CWH43: variants seen among roughly 807,000 people sequenced by gnomAD.
The protein encoded by CWH43 is cell wall biogenesis 43 C-terminal homolog.
A neutral mutation model predicts 85.7 loss-of-function variants in CWH43; 91 were observed. The observed-to-expected ratio is 1.06, with a 90% CI of 0.90 to 1.26. CWH43 has a LOEUF of 1.26. Among genes scored for constraint, CWH43 ranks in the 50% most tolerant of loss-of-function variants. The pLI is 0.00. For synonymous variants in CWH43, 323 were observed against 293.6 expected (o/e 1.10, Z -1.02); for missense variants, 869 against 839.2 (o/e 1.04, Z -0.44).
At position 49,044,723 on chromosome 4, in the gene CWH43, G is replaced by A. The variant is rs377617174; in HGVS notation, c.1804-63G>A. 65 of 1,240,636 alleles carry A rather than the reference G, an allele frequency of 5.2e-5. No homozygotes were observed. In the African/African-American group the frequency reaches 8.4e-4, roughly 16 times the overall value. 76.9% of individuals were successfully genotyped at this position (1,240,636 alleles called of 1,614,324 possible). On this transcript the variant is annotated intron_variant, in intron 13 of 15. Coordinates refer to ENST00000226432, the MANE Select transcript of CWH43 (RefSeq NM_025087.3). ...TTATCATGTAGCTCACACATTTTTT[G>A]GCAATGTGGAATAGAGCTTTGCTTT...
intron 8 of CWH43, among the ~76,000 whole-genome samples, chr4:49,011,330 G>A (rs1326381494): frequency 6.6e-6 from 1 of 151,910 alleles, no homozygotes; most frequent in African/African-American, 2.4e-5. Flanking sequence ...CATTTGCTTG[G>A]TAGATCTTCC....
chr4:48,998,572 A>T (rs1384637614), intron 6 of CWH43, 24 bp downstream of exon 6: 4 of 1,521,898 alleles, frequency 2.6e-6, no homozygotes, highest in Non-Finnish European at 3.6e-6. Flanking sequence ...ACCTGCAGAT[A>T]GAACACGACT....
chr4:49,035,715 C>A (rs1359384737), intron 12 of CWH43, among the ~76,000 whole-genome samples: 1 of 152,170 alleles, frequency 6.6e-6, no homozygotes, highest in Non-Finnish European at 1.5e-5. Flanking sequence ...TATACATATA[C>A]TTTTTACTTT....
intron 15 of CWH43, among the ~76,000 whole-genome samples, chr4:49,058,710 C>A (rs1785045757): frequency 6.6e-6 from 1 of 152,188 alleles, no homozygotes; most frequent in Admixed American, 6.5e-5. Context: ...CTTTCCTTGT[C>A]CCTGAAGGAC....
At chr4:49,015,916 C>T (rs999789554) in intron 8 of CWH43, among the ~76,000 whole-genome samples, 2 of 151,970 alleles carry the variant, frequency 1.3e-5, no homozygotes, top group South Asian at 4.2e-4. Context: ...CTTTTGAATA[C>T]CCTCTTTTAT....
intron 8 of CWH43, among the ~76,000 whole-genome samples, chr4:49,014,075 T>A (rs1243189291): frequency 1.3e-5 from 2 of 152,200 alleles, no homozygotes; most frequent in Non-Finnish European, 2.9e-5. Context: ...AGAAGCTGTA[T>A]AAGTTCTCTA....
chr4:48,993,826 C>T (rs1451878609), intron 4 of CWH43, among the ~76,000 whole-genome samples: 1 of 152,142 alleles, frequency 6.6e-6, no homozygotes, highest in Non-Finnish European at 1.5e-5. Context: ...ACGATCTCAG[C>T]GCACTGCAAC....
intron 13 of CWH43, among the ~76,000 whole-genome samples, chr4:49,042,661 A>G (rs1246827335): frequency 6.6e-6 from 1 of 152,188 alleles, no homozygotes; most frequent in Non-Finnish European, 1.5e-5. Context: ...TGCTAGAGTT[A>G]GAGAAGTGCA....
At chr4:48,999,081 C>T (rs1782909349) in intron 6 of CWH43, among the ~76,000 whole-genome samples, 1 of 152,142 alleles carries the variant, frequency 6.6e-6, no homozygotes, top group African/African-American at 2.4e-5. Context: ...CTCTCTCCTC[C>T]TACCTGCCTC....
At chr4:49,017,803 C>G (rs879224386) in intron 9 of CWH43, among the ~76,000 whole-genome samples, 1 of 151,604 alleles carries the variant, frequency 6.6e-6, no homozygotes, top group African/African-American at 2.4e-5. Context: ...TGTGGTGGAG[C>G]AGGAACAAGA....
In CWH43 at chr4:48,994,579, A is replaced by G. The variant is rs1447268517; in HGVS notation, c.512-40A>G. On this transcript the variant is annotated intron_variant, in intron 4 of 15. Coordinates refer to ENST00000226432, the MANE Select transcript of CWH43 (RefSeq NM_025087.3). ...CTAAATATAGAGCGCAAATTTCCAT[A>G]TAACTAAACTTTTTCCATATATGTA... The G allele has an allele frequency of 1.9e-6, 3 of 1,552,548 alleles. No homozygotes were observed. In the South Asian group the frequency reaches 3.5e-5, roughly 18 times the overall value.
At chr4:49,046,658 C>T (rs914580075) in intron 14 of CWH43, among the ~76,000 whole-genome samples, 3 of 152,038 alleles carry the variant, frequency 2.0e-5, no homozygotes, top group African/African-American at 7.2e-5. Flanking sequence ...TGTGCATACC[C>T]TGAGGAAGAG....
chr4:49,043,768 A>G (rs185124184), intron 13 of CWH43, among the ~76,000 whole-genome samples: 57 of 152,208 alleles, frequency 3.7e-4, no homozygotes, highest in African/African-American at 1.3e-3. Flanking sequence ...TATTCCCAAT[A>G]CTAAAGTTTT....
chr4:49,056,556 T>C (rs2109848930), intron 15 of CWH43, among the ~76,000 whole-genome samples: 1 of 152,200 alleles, frequency 6.6e-6, no homozygotes, highest in South Asian at 2.1e-4. Flanking sequence ...TGATTTTCTC[T>C]TTTTTTCTTA....
chr4:49,031,613 T>A (rs1267707570), intron 11 of CWH43, among the ~76,000 whole-genome samples: 2 of 152,148 alleles, frequency 1.3e-5, no homozygotes, highest in South Asian at 2.1e-4. Context: ...ACTGGAGGAT[T>A]TTAAACAGGA....
chr4:49,023,258 G>T (rs148223049), intron 9 of CWH43, among the ~76,000 whole-genome samples: 6 of 152,262 alleles, frequency 3.9e-5, no homozygotes, highest in Non-Finnish European at 8.8e-5. Context: ...TCAGTTCAAA[G>T]AATTTTTAAA....
At chr4:49,028,891 C>T (rs999016657) in intron 10 of CWH43, among the ~76,000 whole-genome samples, 157 bp downstream of exon 10, 4 of 152,198 alleles carry the variant, frequency 2.6e-5, no homozygotes, top group African/African-American at 7.2e-5. Flanking sequence ...TACTTTGGCA[C>T]GCAGCTGCAG....
At position 49,032,713 on chromosome 4, in the gene CWH43, C is replaced by T. The variant is rs756008708; in HGVS notation, c.1656C>T (p.His552=). 6.8e-5 allele frequency: 109 copies of T among 1,613,824 alleles called. No homozygotes were observed. The highest frequency in any genetic ancestry group is 1.2e-4 in the African/African-American group (9 of 74,922). ...VDFVVTHFGN[H]EDDLDRKLQA... Reference sequence around the variant, plus strand: ...TTGTCGTGACACACTTTGGGAACCACGAGTGGGTTTCTTTGGCCCACCTAA... The same window carrying T: ...TTGTCGTGACACACTTTGGGAACCATGAGTGGGTTTCTTTGGCCCACCTAA... The change falls in exon 12 of 16, where the codon CAC becomes CAT. Residue 552 remains histidine, a splice_region_variant and synonymous_variant. Coordinates refer to ENST00000226432, the MANE Select transcript of CWH43 (RefSeq NM_025087.3).
chr4:49,020,828 C>A (rs967291835), intron 9 of CWH43, among the ~76,000 whole-genome samples: 1 of 152,024 alleles, frequency 6.6e-6, no homozygotes. Context: ...AGCATTTTTC[C>A]ATATGTTTTT....
Sources: allele counts gnomAD v4.1 joint callset (sites outside exome capture counted in the v4.1 genomes callset), GRCh38; gene constraint gnomAD v4.1.1; transcripts MANE v1.5; gene names NCBI Gene and HGNC (gene_info 2026-07-23, HGNC 2026-07-21).